RNF216: variants seen among roughly 807,000 people sequenced by gnomAD.
RNF216 encodes the protein E3 ubiquitin-protein ligase RNF216.
RNF216 carries 72 observed loss-of-function variants against 110.8 expected under a neutral mutation model. The observed-to-expected ratio is 0.65, with a 90% CI of 0.54 to 0.79. The LOEUF (loss-of-function observed/expected upper bound fraction) is 0.79. Among genes scored for constraint, RNF216 ranks in the 30% least tolerant of loss-of-function variants. The pLI is 0.00. For missense variants in RNF216, 1,342 were observed against 1,141.2 expected, an observed-to-expected ratio of 1.18 and a Z score of -2.54; for synonymous variants, 495 against 407.5, an observed-to-expected ratio of 1.21 and a Z score of -2.59.
At chr7:5,729,832 C>T (rs1793982589) in intron 6 of RNF216, among the ~76,000 whole-genome samples, 1 of 152,162 alleles carries the variant, frequency 6.6e-6, no homozygotes, top group Non-Finnish European at 1.5e-5. Flanking sequence ...GGGATTTAAA[C>T]CAATCTTACA....
chr7:5,629,826 CAAAAAAAAA>C (rs34172457), intron 15 of RNF216, among the ~76,000 whole-genome samples: 8 of 54,046 alleles, frequency 1.5e-4, no homozygotes, highest in African/African-American at 5.6e-4. Flanking sequence ...GACTCTGTCT[CAAAAAAAAA>C]AAAAAAAAAA....
At position 5,741,410 on chromosome 7, in the gene RNF216, C is replaced by T; in HGVS notation, c.607G>A (p.Asp203Asn). The change falls in exon 4 of 17, where the codon GAC (aspartate) becomes AAC (asparagine). Residue 203 changes from aspartate to asparagine, a missense_variant. Coordinates refer to ENST00000389902, the MANE Select transcript of RNF216 (RefSeq NM_207111.4). ...PLETQNQSSE[D>N]SETELLSNLG... Reference sequence around the variant, plus strand: ...TTTGATAACAGCTCTGTCTCTGAGTCTTCGGATGACTGGTTCTGAGTTTCC... The same window carrying T: ...TTTGATAACAGCTCTGTCTCTGAGTTTTCGGATGACTGGTTCTGAGTTTCC... 3 of 1,614,182 alleles carry T rather than the reference C, an allele frequency of 1.9e-6. No homozygotes were observed. Among genetic ancestry groups the T allele is most frequent in the Non-Finnish European group, 2.5e-6 (3 of 1,180,036 alleles).
rs1319914450 is a variant in RNF216, at chr7:5,725,722, C to T, written c.1390-284G>A. Reference sequence around the variant, plus strand: ...AAAATTAGCCGGGCATGGTGGCGCACGCCTGTAATCCCAGCTACTCAGGAG... The same window carrying T: ...AAAATTAGCCGGGCATGGTGGCGCATGCCTGTAATCCCAGCTACTCAGGAG... On this transcript the variant is annotated intron_variant, in intron 7 of 16. Coordinates refer to ENST00000389902, the MANE Select transcript of RNF216 (RefSeq NM_207111.4). Among the ~76,000 whole-genome samples the T allele has an allele frequency of 8.6e-5, 13 of 152,040 alleles. 1 individual carries two copies. The South Asian group carries it at 1.2e-3, about 15-fold the overall frequency.
At chr7:5,761,787 A>C (rs1294986890) in intron 1 of RNF216, among the ~76,000 whole-genome samples, 1 of 145,344 alleles carries the variant, frequency 6.9e-6, no homozygotes, top group East Asian at 1.9e-4. Context: ...CTCCGTCACA[A>C]AAAAAAAAAA....
chr7:5,711,839 C>A lies in RNF216; in HGVS notation c.1983G>T (p.Arg661Ser). Reference sequence around the variant, plus strand: ...GAGCCGGAAAGCTACAGGACGGGCACCTAGAGTCAGAACAGCAGAACTGAC... The same window carrying A: ...GAGCCGGAAAGCTACAGGACGGGCAACTAGAGTCAGAACAGCAGAACTGAC... ...VAAAYADELV[R>S]CPSCSFPALL... Residue 661 changes from arginine (R) to serine (S), a missense_variant and splice_region_variant, in exon 13 of 17, where the codon AGG (arginine) becomes AGT (serine). Coordinates refer to ENST00000389902, the MANE Select transcript of RNF216 (RefSeq NM_207111.4). 1 of 1,613,624 alleles carries A rather than the reference C, an allele frequency of 6.2e-7. No individual in the cohort carries two copies. The highest frequency in any genetic ancestry group is 8.5e-7 in the Non-Finnish European group (1 of 1,179,734).
At chr7:5,707,549 A>T (rs376802207) in intron 13 of RNF216, among the ~76,000 whole-genome samples, 1 of 152,126 alleles carries the variant, frequency 6.6e-6, no homozygotes, top group African/African-American at 2.4e-5. Flanking sequence ...TTTTCTATGT[A>T]TAAGATCATG....
intron 13 of RNF216, among the ~76,000 whole-genome samples, chr7:5,686,098 C>T (rs998577501): frequency 1.3e-5 from 2 of 151,928 alleles, no homozygotes; most frequent in African/African-American, 4.8e-5. Flanking sequence ...TGATGCACGT[C>T]TGTAATCCCA....
intron 13 of RNF216, among the ~76,000 whole-genome samples, chr7:5,672,727 T>G (rs1231492923): frequency 6.6e-6 from 1 of 152,004 alleles, no homozygotes; most frequent in Non-Finnish European, 1.5e-5. Flanking sequence ...AGAAGGCCAG[T>G]GAGGAGGCTG....
intron 5 of RNF216, among the ~76,000 whole-genome samples, chr7:5,738,118 T>C (rs1426435526): frequency 7.9e-6 from 1 of 126,320 alleles, no homozygotes; most frequent in Admixed American, 7.6e-5. Context: ...AAAAAAAAAA[T>C]TACAATTATT....
chr7:5,680,709 C>T lies in RNF216; in HGVS notation c.2062-28199G>A, dbSNP rs571812232. Among the ~76,000 whole-genome samples, 4 of 152,016 alleles carry T rather than the reference C, an allele frequency of 2.6e-5. No homozygotes were observed. The highest frequency in any genetic ancestry group is 9.7e-5 in the African/African-American group (4 of 41,382). On this transcript the variant is annotated intron_variant, in intron 13 of 16. Coordinates refer to ENST00000389902, the MANE Select transcript of RNF216 (RefSeq NM_207111.4). This position sits in a 1 kb window ranked among gnomAD's most constrained non-coding sequence, Gnocchi z 4.3. ...GAGCCACCGCGCCCAGCACTCAACA[C>T]TTCTACTTGGATATCTAAAAGGCAC...
intron 1 of RNF216, among the ~76,000 whole-genome samples, chr7:5,779,071 G>A (rs1796933315): frequency 6.6e-6 from 1 of 152,214 alleles, no homozygotes; most frequent in African/African-American, 2.4e-5. Flanking sequence ...TAACAATAAT[G>A]CAAATATAAT....
intron 5 of RNF216, among the ~76,000 whole-genome samples, chr7:5,737,681 A>G (rs1794507501): frequency 6.6e-6 from 1 of 152,180 alleles, no homozygotes; most frequent in Non-Finnish European, 1.5e-5. Flanking sequence ...GCACCTGGAA[A>G]GGGGCCCTTC....
chr7:5,732,503 G>A (rs976131503), intron 5 of RNF216, among the ~76,000 whole-genome samples: 6 of 152,096 alleles, frequency 3.9e-5, no homozygotes, highest in Admixed American at 2.6e-4. Context: ...TTTTATATTT[G>A]CAACAATATT....
chr7:5,738,121 C>G (rs1042393945), intron 5 of RNF216, among the ~76,000 whole-genome samples: 24 of 140,348 alleles, frequency 1.7e-4, no homozygotes, highest in African/African-American at 6.9e-4. Flanking sequence ...AAAAAAATTA[C>G]AATTATTTCA....
In RNF216 at chr7:5,641,214, G is replaced by C. The variant is rs774095781; in HGVS notation, c.2322C>G (p.Pro774=). 1.2e-5 allele frequency: 20 copies of C among 1,614,178 alleles called. No homozygotes were observed. In the South Asian group the frequency reaches 2.1e-4, roughly 17 times the overall value. ...INGYDHFCQH[P]RSPGAPCQEC... ...CCTGGCAAGGGGCTCCTGGTGAGCG[G>C]GGATGTTGGCAGAAATGGTCATATC... Residue 774 remains proline (P), a synonymous_variant, in exon 15 of 17, where the codon CCC becomes CCG. Transcript: ENST00000389902.
chr7:5,660,316 G>A (rs1271250923), intron 13 of RNF216, among the ~76,000 whole-genome samples: 1 of 67,678 alleles, frequency 1.5e-5, no homozygotes, highest in East Asian at 4.7e-4. Flanking sequence ...TTTTTGAGAT[G>A]GAGTCTCGCT....
chr7:5,673,852 T>C (rs764840198), intron 13 of RNF216, among the ~76,000 whole-genome samples: 1 of 143,522 alleles, frequency 7.0e-6, no homozygotes, highest in African/African-American at 2.6e-5. Flanking sequence ...ATCTCTCTCT[T>C]TCTCTCATTT....
At chr7:5,722,475 C>T (rs541802363) in intron 8 of RNF216, among the ~76,000 whole-genome samples, 1 of 151,314 alleles carries the variant, frequency 6.6e-6, no homozygotes, top group African/African-American at 2.4e-5. Flanking sequence ...CTGTCAGCTC[C>T]GCCCCCCGGG....
At chr7:5,779,993 A>T (rs1796993254) in intron 1 of RNF216, 1 of 152,110 alleles carries the variant, frequency 6.6e-6, no homozygotes, top group Non-Finnish European at 1.5e-5. Context: ...ACCGAAACAT[A>T]CAGCAGCACA....
Sources: gnomAD v4.1 joint callset for allele counts (sites outside exome capture counted in the v4.1 genomes callset) on GRCh38, gnomAD v4.1.1 for gene constraint, Gnocchi (gnomAD v3.1) non-coding constraint, MANE v1.5 for transcripts, NCBI Gene and HGNC (gene_info 2026-07-23, HGNC 2026-07-21) for gene names.